Variants in MMRN1 observed in about 807,000 individuals in gnomAD.
The protein encoded by MMRN1 is multimerin 1, also known as multimerin-1.
A neutral mutation model predicts 100.7 loss-of-function variants in MMRN1; 94 were observed. That is an observed-to-expected ratio of 0.93 (90% CI 0.79 to 1.11). The LOEUF is 1.11. Among genes scored for constraint, MMRN1 ranks in the 50% least tolerant of loss-of-function variants. The pLI is 0.00. For synonymous variants in MMRN1, 575 were observed against 505.0 expected (o/e 1.14, Z -1.86); for missense variants, 1,606 against 1,439.1 (o/e 1.12, Z -1.88).
intron 1 of MMRN1, 43 bp downstream of exon 1, chr4:89,895,637 G>A (rs80050389): frequency 3.3e-6 from 5 of 1,530,952 alleles, no homozygotes; most frequent in Non-Finnish European, 4.4e-6. Context: ...CTGTCTATCA[G>A]GTCTAGAAGA....
intron 1 of MMRN1, among the ~76,000 whole-genome samples, chr4:89,884,116 G>A (rs1720880017): frequency 6.6e-6 from 1 of 151,846 alleles, no homozygotes; most frequent in African/African-American, 2.4e-5. Flanking sequence ...TTTCCTTATT[G>A]TAGATTACGT....
intron 6 of MMRN1, among the ~76,000 whole-genome samples, chr4:89,940,687 T>G (rs890675878): frequency 6.6e-6 from 1 of 152,260 alleles, no homozygotes; most frequent in African/African-American, 2.4e-5. Context: ...AAGAATAACA[T>G]ACAAACCTTA....
At chr4:89,925,557 T>C (rs906545364) in intron 4 of MMRN1, among the ~76,000 whole-genome samples, 4 of 151,312 alleles carry the variant, frequency 2.6e-5, no homozygotes, top group Admixed American at 2.0e-4. Flanking sequence ...TTAGGCTGGG[T>C]GTGGTGGCTC....
intron 5 of MMRN1, among the ~76,000 whole-genome samples, chr4:89,933,805 G>A (rs1722519277): frequency 6.6e-6 from 1 of 151,924 alleles, no homozygotes; most frequent in South Asian, 2.1e-4. Context: ...GTTTGGGTGG[G>A]GACACAGCCA....
upstream of MMRN1, among the ~76,000 whole-genome samples, chr4:89,892,441 G>A (rs777773117): frequency 6.6e-6 from 1 of 151,440 alleles, no homozygotes; most frequent in Admixed American, 6.6e-5. Context: ...AGTCATCTCA[G>A]CAATATTATT....
Position 89,951,708 on chromosome 4 carries a change from C to G in MMRN1, c.3222C>G (p.Asp1074Glu). The G allele has an allele frequency of 6.2e-7, 1 of 1,611,654 alleles. No individual in the cohort carries two copies. The highest frequency in any genetic ancestry group is 8.5e-7 in the Non-Finnish European group (1 of 1,179,086). Residue 1074 changes from aspartate to glutamate, a missense_variant, in exon 7 of 8, where the codon GAC becomes GAG. Transcript: ENST00000264790. ...CCTGCAGACATCCTTTTACTGGTGA[C>G]AACTGCACTATCAAGCTTGTGGAAG... is the stretch of plus-strand genomic sequence containing the variant. The part of the protein sequence containing the change: ...TCACRHPFTG[D>E]NCTIKLVEEN...
At chr4:89,920,617 T>C (rs1010044045) in intron 3 of MMRN1, among the ~76,000 whole-genome samples, 1 of 152,124 alleles carries the variant, frequency 6.6e-6, no homozygotes. Flanking sequence ...CACACACCTT[T>C]GTTATTAACA....
At chr4:89,907,634 G>A (rs1252170417) in intron 1 of MMRN1, among the ~76,000 whole-genome samples, 2 of 150,774 alleles carry the variant, frequency 1.3e-5, no homozygotes, top group South Asian at 2.1e-4. Context: ...TTTTTTCTCT[G>A]TACTTCAGTT....
At chr4:89,898,958 T>C (rs1721297757) in intron 1 of MMRN1, among the ~76,000 whole-genome samples, 1 of 152,164 alleles carries the variant, frequency 6.6e-6, no homozygotes, top group South Asian at 2.1e-4. Context: ...ACAATCAATA[T>C]TTAATCATAC....
At chr4:89,949,823 A>G (rs1487308814) in intron 6 of MMRN1, among the ~76,000 whole-genome samples, 2 of 152,206 alleles carry the variant, frequency 1.3e-5, no homozygotes, top group Non-Finnish European at 2.9e-5. Context: ...TGTGAATTTC[A>G]ATTGTATGGC....
At chr4:89,886,580 T>C (rs1399793146) in intron 1 of MMRN1, among the ~76,000 whole-genome samples, 1 of 152,162 alleles carries the variant, frequency 6.6e-6, no homozygotes, top group African/African-American at 2.4e-5. Context: ...GTTCGAATCT[T>C]CTATATCATT....
Position 89,908,280 on chromosome 4 carries a change from C to T in MMRN1, c.624-996C>T, listed in dbSNP as rs193222534. Among the ~76,000 whole-genome samples, 5 of 151,544 alleles carry T rather than the reference C, an allele frequency of 3.3e-5. No individual in the cohort carries two copies. In the East Asian group the frequency reaches 7.8e-4, roughly 24 times the overall value. ...AACATCTGAAAACTGTTGCTTTATA[C>T]ATCTTGTCCAGATTTATAATTTTTG... On this transcript the variant is annotated intron_variant, in intron 1 of 7. Coordinates refer to ENST00000264790, the MANE Select transcript of MMRN1 (RefSeq NM_007351.3).
At chr4:89,952,348 T>A (rs866871687) in intron 7 of MMRN1, among the ~76,000 whole-genome samples, 5 of 152,162 alleles carry the variant, frequency 3.3e-5, no homozygotes, top group African/African-American at 1.2e-4. Context: ...CAGAAATGTA[T>A]GTGCAGCATA....
intron 5 of MMRN1, among the ~76,000 whole-genome samples, chr4:89,931,764 T>A (rs555858649): frequency 6.6e-6 from 1 of 152,236 alleles, no homozygotes; most frequent in African/African-American, 2.4e-5. Context: ...GAGAACAGCA[T>A]GGGAAAAATC....
intron 3 of MMRN1, among the ~76,000 whole-genome samples, chr4:89,914,108 T>C (rs753815929): frequency 2.0e-5 from 3 of 151,372 alleles, no homozygotes; most frequent in Non-Finnish European, 4.4e-5. Context: ...ATTATATCTC[T>C]CCTGGGAGGA....
rs550608041 is a variant in MMRN1 at position 89,912,388 on chromosome 4, A to T, written c.850+338A>T. Among the ~76,000 whole-genome samples, 5 of 151,540 alleles carry T rather than the reference A, an allele frequency of 3.3e-5. No individual in the cohort carries two copies. The South Asian group carries it at 1.0e-3, about 31-fold the overall frequency. On this transcript the variant is annotated intron_variant, in intron 3 of 7. Transcript: ENST00000264790. ...ATTTTCAATTTTTAAATAAAGTGTT[A>T]TTAGAAGTGACTCAATATAAAAATA...
chr4:89,888,777 C>T (rs1347694095), intron 1 of MMRN1, among the ~76,000 whole-genome samples: 1 of 152,038 alleles, frequency 6.6e-6, no homozygotes, highest in Admixed American at 6.6e-5. Flanking sequence ...CTGGCATTTT[C>T]ATTCAACTTT....
rs571563234 is a variant in MMRN1, at chr4:89,884,194, GTTTC to G, written c.-249+4596_-249+4599del. ...TTGTTTGAGTTTTTAGATCCAATGT[GTTTC>G]TTTATTAATTTTAGCATTGCTTAGA... On this transcript the variant is annotated intron_variant, in intron 1 of 8. Transcript: ENST00000394980. 5.8e-3 allele frequency among the ~76,000 whole-genome samples: 875 copies of G among 152,094 alleles called. 3 individuals are homozygous for G. The highest frequency in any genetic ancestry group is 0.041 in the Middle Eastern group (12 of 294).
intron 6 of MMRN1, among the ~76,000 whole-genome samples, chr4:89,937,209 A>T (rs1296752974): frequency 6.6e-6 from 1 of 152,122 alleles, no homozygotes; most frequent in African/African-American, 2.4e-5. Context: ...CTGTTGAATG[A>T]TCATCTGACA....
Sources: gnomAD v4.1 joint callset for allele counts (sites outside exome capture counted in the v4.1 genomes callset) on GRCh38, gnomAD v4.1.1 for gene constraint, MANE v1.5 for transcripts, NCBI Gene and HGNC (gene_info 2026-07-23, HGNC 2026-07-21) for gene names.